The following SLC12A8 variants were observed in gnomAD, a reference collection of about 807,000 sequenced individuals.
SLC12A8 encodes the protein solute carrier family 12 member 8.
SLC12A8 carries 69 observed loss-of-function variants against 75.6 expected under a neutral mutation model. The ratio of observed to expected loss-of-function variants is 0.91; its 90% CI spans 0.75 to 1.11. The LOEUF (loss-of-function observed/expected upper bound fraction) is 1.11, where lower values mean the gene tolerates loss of function less well. Ranked by LOEUF, SLC12A8 falls within the 50% of genes most tolerant of loss-of-function variation. The probability of loss-of-function intolerance (pLI) is 0.00; values close to 1 mark genes in which losing one functional copy is unlikely to be tolerated. For synonymous variants in SLC12A8, 365 were observed against 372.8 expected (o/e 0.98, Z 0.24); for missense variants, 877 against 896.7 (o/e 0.98, Z 0.28).
At chr3:125,130,093 G>A (rs1933315422) in intron 6 of SLC12A8, among the ~76,000 whole-genome samples, 1 of 152,202 alleles carries the variant, frequency 6.6e-6, no homozygotes, top group African/African-American at 2.4e-5. Flanking sequence ...GGGCAGAGAG[G>A]CCTGTGTAGT....
rs115327421 is a variant in SLC12A8, at chr3:125,200,533, G to C, written c.52-10012C>G. The stretch of plus-strand genomic sequence containing the variant: ...CATTATTAGAAATATTTTAAAAACA[G>C]AATGGGTTTTTTGGCTGACCTGGCA... On this transcript the variant is annotated intron_variant, in intron 2 of 13. Transcript: ENST00000469902. 8.0e-3 allele frequency among the ~76,000 whole-genome samples: 1,221 copies of C among 152,270 alleles called. 18 individuals carry two copies. Among genetic ancestry groups the C allele is most frequent in the African/African-American group, 0.028 (1,179 of 41,556 alleles).
At chr3:125,137,227 T>C (rs1357851432) in intron 5 of SLC12A8, among the ~76,000 whole-genome samples, 1 of 152,124 alleles carries the variant, frequency 6.6e-6, no homozygotes, top group Non-Finnish European at 1.5e-5. Flanking sequence ...ATAAGAAAAA[T>C]ATTTTTTTTA....
intron 5 of SLC12A8, among the ~76,000 whole-genome samples, chr3:125,157,403 T>C (rs1488781670): frequency 6.6e-6 from 1 of 152,212 alleles, no homozygotes; most frequent in Non-Finnish European, 1.5e-5. Context: ...CAAGCTACTG[T>C]TCTGCTTTTC....
At chr3:125,190,226 G>A (rs941257755) in intron 3 of SLC12A8, 149 bp downstream of exon 3, 3 of 809,312 alleles carry the variant, frequency 3.7e-6, no homozygotes, top group Non-Finnish European at 4.0e-6. Flanking sequence ...AACAAGCAAT[G>A]CTAGCTATTC....
chr3:125,084,038 G>A lies in SLC12A8; in HGVS notation c.1997C>T (p.Pro666Leu), dbSNP rs1317057307. The A allele has an allele frequency of 2.5e-6, 4 of 1,611,314 alleles. No individual in the cohort carries two copies. Among genetic ancestry groups the A allele is most frequent in the Non-Finnish European group, 3.4e-6 (4 of 1,178,874 alleles). The change falls in exon 14 of 14, where the codon CCT becomes CTT. Residue 666 changes from proline to leucine, a missense_variant. Coordinates refer to ENST00000469902, the MANE Select transcript of SLC12A8 (RefSeq NM_024628.6). ...LLPSCRSLRS[P>L]QEQIILAPSL... Reference sequence around the variant, plus strand: ...CGGCGCCAAGATGATCTGCTCCTGAGGGGACCGCAAGCTCCTGCAGTGAGA... The same window carrying A: ...CGGCGCCAAGATGATCTGCTCCTGAAGGGACCGCAAGCTCCTGCAGTGAGA...
At chr3:125,161,110 TC>T (rs1176129342) in intron 5 of SLC12A8, among the ~76,000 whole-genome samples, 2 of 152,196 alleles carry the variant, frequency 1.3e-5, no homozygotes, top group Non-Finnish European at 2.9e-5. Context: ...TGCTTGGGCT[TC>T]CCATCCTCTT....
At chr3:125,128,237 G>C (rs1408796580) in intron 6 of SLC12A8, among the ~76,000 whole-genome samples, 2 of 134,254 alleles carry the variant, frequency 1.5e-5, no homozygotes, top group Non-Finnish European at 3.2e-5. Context: ...CTGGAGTGCA[G>C]TGGCGGGATC....
intron 5 of SLC12A8, among the ~76,000 whole-genome samples, chr3:125,159,299 T>C (rs1409634781): frequency 6.6e-6 from 1 of 152,190 alleles, no homozygotes; most frequent in Non-Finnish European, 1.5e-5. Context: ...TCTCACTATG[T>C]TGCCCAGGCT....
At chr3:125,087,164 G>A (rs181484539) in intron 13 of SLC12A8, among the ~76,000 whole-genome samples, 25 of 146,998 alleles carry the variant, frequency 1.7e-4, no homozygotes, top group Admixed American at 8.3e-4. Flanking sequence ...GCACGATCCC[G>A]GCTCACAGTA....
intron 2 of SLC12A8, among the ~76,000 whole-genome samples, chr3:125,201,994 G>A (rs919830514): frequency 2.6e-5 from 4 of 152,030 alleles, no homozygotes; most frequent in African/African-American, 7.2e-5. Context: ...TGCAACCTCC[G>A]CCTCCTGGGT....
intron 5 of SLC12A8, among the ~76,000 whole-genome samples, chr3:125,161,735 C>T (rs536786548): frequency 6.6e-6 from 1 of 151,992 alleles, no homozygotes; most frequent in East Asian, 1.9e-4. Flanking sequence ...GAGGCTGCAA[C>T]GTCTTCCCAG....
At chr3:125,184,906 A>T (rs2107792653) in intron 4 of SLC12A8, among the ~76,000 whole-genome samples, 1 of 152,264 alleles carries the variant, frequency 6.6e-6, no homozygotes, top group South Asian at 2.1e-4. Flanking sequence ...GAAAGAGAAG[A>T]CATTATTTAA....
At chr3:125,208,787 C>CAGAGAGAGAGAGAGAG (rs1560087661) in intron 2 of SLC12A8, among the ~76,000 whole-genome samples, 4 of 106,396 alleles carry the variant, frequency 3.8e-5, no homozygotes, top group Admixed American at 9.8e-5. Context: ...CACACACACA[C>CAGAGAGAGAGAGAGAG]ACACAGAGAG....
chr3:125,201,023 A>G (rs747253339), intron 2 of SLC12A8, among the ~76,000 whole-genome samples: 3 of 152,226 alleles, frequency 2.0e-5, no homozygotes, highest in Non-Finnish European at 4.4e-5. Context: ...ATTTTTACAC[A>G]GGTGAGTGGT....
chr3:125,155,999 T>G (rs1361198320), intron 5 of SLC12A8, among the ~76,000 whole-genome samples: 2 of 152,124 alleles, frequency 1.3e-5, no homozygotes, highest in African/African-American at 2.4e-5. Context: ...GGTCACAGAC[T>G]TGTGAGCCAG....
At chr3:125,130,153 T>C (rs539856167) in intron 6 of SLC12A8, among the ~76,000 whole-genome samples, 1 of 152,372 alleles carries the variant, frequency 6.6e-6, no homozygotes, top group Non-Finnish European at 1.5e-5. Context: ...TTCAAAATAA[T>C]ACTCATAATT....
At chr3:125,095,811 C>T (rs1316720316) in intron 10 of SLC12A8, among the ~76,000 whole-genome samples, 1 of 152,222 alleles carries the variant, frequency 6.6e-6, no homozygotes, top group Non-Finnish European at 1.5e-5. Flanking sequence ...TTGGAACACC[C>T]TTCTTGCACT....
chr3:125,141,006 A>G (rs1933617196), intron 5 of SLC12A8, among the ~76,000 whole-genome samples: 1 of 152,042 alleles, frequency 6.6e-6, no homozygotes, highest in Non-Finnish European at 1.5e-5. Flanking sequence ...GTCATCTGAC[A>G]TCTTTCAACT....
At chr3:125,167,974 G>C (rs1268697592) in intron 5 of SLC12A8, among the ~76,000 whole-genome samples, 1 of 152,216 alleles carries the variant, frequency 6.6e-6, no homozygotes, top group Non-Finnish European at 1.5e-5. Context: ...AGCAACTGAT[G>C]CTGCTTAAGC....
Sources: allele counts gnomAD v4.1 joint callset (sites outside exome capture counted in the v4.1 genomes callset), GRCh38; gene constraint gnomAD v4.1.1; transcripts MANE v1.5; gene names NCBI Gene and HGNC (gene_info 2026-07-23, HGNC 2026-07-21).